Variants in NUMB observed in about 807,000 individuals in gnomAD.
The protein encoded by NUMB is protein numb homolog.
Under a neutral mutation model 59.7 loss-of-function variants are expected in NUMB, and 29 were observed. The observed-to-expected ratio is 0.49, with a 90% CI of 0.36 to 0.66. The LOEUF is 0.66. Among genes scored for constraint, NUMB ranks in the 30% least tolerant of loss-of-function variants. The pLI is 0.00. For missense variants in NUMB, 723 were observed against 822.0 expected (o/e 0.88, Z 1.47); for synonymous variants, 288 against 288.2 (o/e 1.00, Z 0.01).
At chr14:73,354,510 CAA>C (rs780721035) in intron 4 of NUMB, among the ~76,000 whole-genome samples, 12,096 of 77,814 alleles carry the variant, frequency 0.16, 1,502 homozygotes, top group African/African-American at 0.42. Context: ...GACTCCATCT[CAA>C]AAAAAAAAAA....
At chr14:73,317,418 C>T (rs1027602079) in intron 5 of NUMB, among the ~76,000 whole-genome samples, 6 of 152,200 alleles carry the variant, frequency 3.9e-5, no homozygotes, top group Admixed American at 6.5e-5. Context: ...GCTCATGCCT[C>T]GGCCTCCCGA....
chr14:73,320,245 A>G (rs1891330890), intron 5 of NUMB, among the ~76,000 whole-genome samples: 1 of 152,244 alleles, frequency 6.6e-6, no homozygotes, highest in Admixed American at 6.5e-5. Flanking sequence ...CCAGTGCAAA[A>G]CTACATATAA....
intron 2 of NUMB, among the ~76,000 whole-genome samples, chr14:73,368,504 AC>A (rs1372232963): frequency 6.6e-6 from 1 of 151,750 alleles, no homozygotes; most frequent in Non-Finnish European, 1.5e-5. Context: ...AATCACTTGA[AC>A]CTGGGAGGCG....
intron 6 of NUMB, among the ~76,000 whole-genome samples, chr14:73,301,077 A>G (rs1332479626): frequency 2.0e-5 from 3 of 152,244 alleles, no homozygotes; most frequent in African/African-American, 7.2e-5. Context: ...TCCATCTATC[A>G]TTCACTGCTG....
chr14:73,396,455 T>C (rs1896143490), intron 2 of NUMB, among the ~76,000 whole-genome samples: 1 of 151,994 alleles, frequency 6.6e-6, no homozygotes, highest in South Asian at 2.1e-4. Context: ...TCAAGGGATC[T>C]TCCCACCTCA....
At chr14:73,290,721 G>A (rs1270594315) in intron 8 of NUMB, among the ~76,000 whole-genome samples, 2 of 152,188 alleles carry the variant, frequency 1.3e-5, no homozygotes, top group Non-Finnish European at 2.9e-5. Flanking sequence ...CTTGGGACCA[G>A]AAGTGTTTCT....
intron 1 of NUMB, among the ~76,000 whole-genome samples, chr14:73,445,354 CAAAAAAAAAAAA>C (rs752154048): frequency 6.3e-4 from 36 of 57,538 alleles, no homozygotes; most frequent in East Asian, 4.9e-3. Flanking sequence ...GACCCTGTCT[CAAAAAAAAAAAA>C]AAAAAAAAAA....
chr14:73,303,354 T>C (rs1329469692), intron 6 of NUMB, among the ~76,000 whole-genome samples: 1 of 152,150 alleles, frequency 6.6e-6, no homozygotes, highest in Non-Finnish European at 1.5e-5. Context: ...CCAGGGCCAG[T>C]GGATCACCTG....
chr14:73,352,501 TATATATATATATATATATATATATATA>T (rs1566756207), intron 4 of NUMB, among the ~76,000 whole-genome samples: 20 of 12,690 alleles, frequency 1.6e-3, no homozygotes, highest in East Asian at 5.6e-3. Flanking sequence ...TATATATATA[TATATATATATATATATATATATATATA>T]TGTTTTTTTT....
chr14:73,356,366 G>A (rs1011142040), intron 3 of NUMB, among the ~76,000 whole-genome samples: 1 of 152,212 alleles, frequency 6.6e-6, no homozygotes, highest in African/African-American at 2.4e-5. Context: ...CTTAAAGCCA[G>A]GTGCAATGGC....
intron 1 of NUMB, among the ~76,000 whole-genome samples, chr14:73,437,207 G>A (rs1898096812): frequency 6.6e-6 from 1 of 151,730 alleles, no homozygotes; most frequent in Non-Finnish European, 1.5e-5. Context: ...CACCATGCCT[G>A]GCTAATTTTT....
rs1895255449 is a variant in NUMB at position 73,381,736 on chromosome 14, A to G, written c.-100-14755T>C. ...GGCAGAATCCTCATATGTTTGCCTTACTGCAGTGATTAAAATATGCTTAAA... is the reference window on the plus strand; with the variant it reads ...GGCAGAATCCTCATATGTTTGCCTTGCTGCAGTGATTAAAATATGCTTAAA... On this transcript the variant is annotated intron_variant, in intron 2 of 12. Coordinates refer to ENST00000555238, the MANE Select transcript of NUMB (RefSeq NM_001005743.2). Among the ~76,000 whole-genome samples, 3 of 152,346 alleles carry G rather than the reference A, an allele frequency of 2.0e-5. No homozygotes were observed. In the South Asian group the frequency reaches 6.2e-4, roughly 32 times the overall value.
intron 6 of NUMB, among the ~76,000 whole-genome samples, chr14:73,316,095 C>T (rs1214140207): frequency 2.0e-5 from 3 of 152,036 alleles, no homozygotes; most frequent in Non-Finnish European, 2.9e-5. Flanking sequence ...AGGCTGGTCT[C>T]GAACTCCTCA....
intron 12 of NUMB, among the ~76,000 whole-genome samples, chr14:73,277,922 G>T (rs561391310): frequency 1.3e-5 from 2 of 152,024 alleles, no homozygotes; most frequent in South Asian, 4.2e-4. Context: ...GCTGGGCGTG[G>T]TGGTATGCAT....
intron 1 of NUMB, among the ~76,000 whole-genome samples, chr14:73,429,888 T>C (rs1332022635): frequency 6.6e-6 from 1 of 150,690 alleles, no homozygotes; most frequent in Non-Finnish European, 1.5e-5. Context: ...GAGGTTGTAA[T>C]GAGCCGAGAT....
intron 1 of NUMB, among the ~76,000 whole-genome samples, chr14:73,414,282 A>G (rs937160670): frequency 1.3e-5 from 2 of 152,214 alleles, no homozygotes; most frequent in African/African-American, 4.8e-5. Flanking sequence ...TCCAAGTATT[A>G]CAGCCTTAAG....
At position 73,277,161 on chromosome 14, in the gene NUMB, G is replaced by A. The variant is rs751523434; in HGVS notation, c.1373C>T (p.Ala458Val). 1 of 1,613,976 alleles carries A rather than the reference G, an allele frequency of 6.2e-7. No individual in the cohort carries two copies. Among genetic ancestry groups the A allele is most frequent in the Non-Finnish European group, 8.5e-7 (1 of 1,179,994 alleles). Residue 458 changes from alanine (A) to valine (V), a missense_variant, in exon 13 of 13, where the codon GCC (alanine) becomes GTC (valine). This residue lies in a region of NUMB where 406 missense variants were observed against 385.4 expected (regional missense o/e 1.05). Coordinates refer to ENST00000555238, the MANE Select transcript of NUMB (RefSeq NM_001005743.2). Reference sequence around the variant, plus strand: ...AACTGGCTGCAGAGGAGCAGCTGAGGCCTGGGGCTGCTGAGCCCGGACGCT... The same window carrying A: ...AACTGGCTGCAGAGGAGCAGCTGAGACCTGGGGCTGCTGAGCCCGGACGCT... ...SKSVRAQQPQ[A>V]SAAPLQPVLQ...
At chr14:73,292,270 C>T (rs1056987443) in intron 8 of NUMB, among the ~76,000 whole-genome samples, 11 of 152,048 alleles carry the variant, frequency 7.2e-5, no homozygotes, top group African/African-American at 2.7e-4. Flanking sequence ...GGTTAGTTTC[C>T]AACTTGTGGT....
chr14:73,456,800 T>C (rs1474196983), intron 1 of NUMB, among the ~76,000 whole-genome samples: 1 of 152,230 alleles, frequency 6.6e-6, no homozygotes, highest in Non-Finnish European at 1.5e-5. Context: ...CTGACCAACG[T>C]GATCATCATT....
Sources: allele counts gnomAD v4.1 joint callset (sites outside exome capture counted in the v4.1 genomes callset), GRCh38; gene constraint gnomAD v4.1.1; regional missense constraint gnomAD v4.1.1; transcripts MANE v1.5; gene names NCBI Gene and HGNC (gene_info 2026-07-23, HGNC 2026-07-21).